The following RSPH6A variants were observed in gnomAD, a reference collection of about 807,000 sequenced individuals.
The protein encoded by RSPH6A is radial spoke head 6 homolog A, also known as radial spoke head protein 6 homolog A.
A neutral mutation model predicts 66.1 loss-of-function variants in RSPH6A; 49 were observed. That is an observed-to-expected ratio of 0.74 (90% CI 0.59 to 0.94). The LOEUF is 0.94. RSPH6A is among the 40% of genes least tolerant of loss of function. The probability of loss-of-function intolerance (pLI) is 0.00; values close to 1 mark genes in which losing one functional copy is unlikely to be tolerated. For missense variants in RSPH6A, 977 were observed against 948.3 expected, an observed-to-expected ratio of 1.03 and a Z score of -0.40; for synonymous variants, 419 against 402.4, an observed-to-expected ratio of 1.04 and a Z score of -0.49.
At chr19:45,807,228 A>T (rs997960485) in intron 2 of RSPH6A, among the ~76,000 whole-genome samples, 4 of 150,246 alleles carry the variant, frequency 2.7e-5, no homozygotes, top group African/African-American at 9.8e-5. Context: ...TATTATTATT[A>T]TTTTTGATAC....
At chr19:45,811,738 C>T (rs1361993675) in intron 1 of RSPH6A, among the ~76,000 whole-genome samples, 1 of 104,294 alleles carries the variant, frequency 9.6e-6, no homozygotes, top group Non-Finnish European at 1.9e-5. Context: ...ACCTGGCCAA[C>T]ATTTGTATTA....
At chr19:45,808,893 C>A (rs1336714985) in intron 2 of RSPH6A, among the ~76,000 whole-genome samples, 12 of 151,710 alleles carry the variant, frequency 7.9e-5, no homozygotes. Flanking sequence ...TCTCGATCTC[C>A]TGACCTCAGG....
At position 45,814,888 on chromosome 19, in the gene RSPH6A, C is replaced by CT. The variant is rs1396814301; in HGVS notation, c.288dup (p.Glu97ArgfsTer9). 2 of 1,614,134 alleles carry CT rather than the reference C, an allele frequency of 1.2e-6. No individual in the cohort carries two copies. The highest frequency in any genetic ancestry group is 1.3e-5 in the African/African-American group (1 of 75,062). ...TCAGAGTAAGGCTGAGGCTGGAACTCTGAGGGAAAGCCCGTGTTCACAGAT... is the reference window on the plus strand; with the variant it reads ...TCAGAGTAAGGCTGAGGCTGGAACTCTTGAGGGAAAGCCCGTGTTCACAGAT... On this transcript the variant is annotated frameshift_variant, in exon 1 of 6. Coordinates refer to ENST00000221538, the MANE Select transcript of RSPH6A (RefSeq NM_030785.4). LOFTEE classifies it high-confidence loss of function.
Position 45,810,801 on chromosome 19 carries a change from GTT to G in RSPH6A, c.688_689del (p.Asn230ProfsTer4). ...HLVNLLTKIL[N>X]QRPEDPLSVL... ...CAGACAAGGGGTCCTCAGGCCGCTG[GTT>G]CAGGATCTTGGTCAGCAGATTCACC... On this transcript the variant is annotated frameshift_variant, in exon 2 of 6. Coordinates refer to ENST00000221538, the MANE Select transcript of RSPH6A (RefSeq NM_030785.4). LOFTEE classifies it high-confidence loss of function. The G allele has an allele frequency of 1.2e-6, 2 of 1,613,100 alleles. No individual in the cohort carries two copies. The highest frequency in any genetic ancestry group is 1.7e-6 in the Non-Finnish European group (2 of 1,179,232).
chr19:45,798,154 T>C (rs1600471039), intron 5 of RSPH6A, among the ~76,000 whole-genome samples: 1 of 148,104 alleles, frequency 6.8e-6, no homozygotes, highest in South Asian at 2.2e-4. Flanking sequence ...TGGTCAGGAG[T>C]TCGAGACCAG....
intron 2 of RSPH6A, among the ~76,000 whole-genome samples, chr19:45,809,139 C>A (rs1008491950): frequency 8.0e-5 from 12 of 150,312 alleles, no homozygotes; most frequent in African/African-American, 2.7e-4. Flanking sequence ...GTAGCTGGGA[C>A]TACAGGCGCC....
At chr19:45,800,056 A>G (rs1251498185) in intron 5 of RSPH6A, among the ~76,000 whole-genome samples, 3 of 152,130 alleles carry the variant, frequency 2.0e-5, no homozygotes, top group Non-Finnish European at 4.4e-5. Context: ...CATCTCAAAC[A>G]AAACAAAACA....
chr19:45,811,063 G>A, intron 1 of RSPH6A: 2 of 352,504 alleles, frequency 5.7e-6, no homozygotes, highest in South Asian at 8.8e-5. Flanking sequence ...GGTTCATCTC[G>A]GCTCACTGCA....
rs372927516 is a variant in RSPH6A, at chr19:45,804,417, C to T, written c.1488G>A (p.Pro496=). The T allele has an allele frequency of 5.6e-6, 9 of 1,613,936 alleles. No homozygotes were observed. The highest frequency in any genetic ancestry group is 7.6e-6 in the Non-Finnish European group (9 of 1,180,006). ...CCTCACTAAACTGGTAGAAGCCCAG[C>T]GGGCTGACCTGCGTGGCGGCCGAGA... The part of the protein sequence containing the change: ...ARISAATQVS[P]LGFYQFSEEE... The change falls in exon 3 of 6, where the codon CCG becomes CCA. Residue 496 remains proline (P), a synonymous_variant. Transcript: ENST00000221538. The surrounding 1 kb of genome is among the most constrained non-coding windows in gnomAD (Gnocchi z 5.8).
chr19:45,811,969 C>T (rs1406357462), intron 1 of RSPH6A, among the ~76,000 whole-genome samples: 5 of 146,246 alleles, frequency 3.4e-5, no homozygotes, highest in African/African-American at 5.1e-5. Flanking sequence ...TTAGTAGAGA[C>T]GGGGTTTCAC....
Position 45,804,822 on chromosome 19 carries a change from TTCC to T in RSPH6A, c.1080_1082del (p.Glu361del). On this transcript the variant is annotated inframe_deletion, in exon 3 of 6. Coordinates refer to ENST00000221538, the MANE Select transcript of RSPH6A (RefSeq NM_030785.4). This position sits in a 1 kb window ranked among gnomAD's most constrained non-coding sequence, Gnocchi z 5.8. ...CTGCCTCCTCCTCGCCCTCCCGGAA[TTCC>T]ACCTCGGCCACCAGGTAGCTGCGTT... 1 of 1,614,156 alleles carries T rather than the reference TTCC, an allele frequency of 6.2e-7. No homozygotes were observed. The highest frequency in any genetic ancestry group is 8.5e-7 in the Non-Finnish European group (1 of 1,180,014).
intron 2 of RSPH6A, 61 bp from the exon 3 acceptor site, chr19:45,805,077 C>A: frequency 7.3e-7 from 1 of 1,376,946 alleles, no homozygotes; most frequent in South Asian, 1.3e-5. Flanking sequence ...CCTAGCCTAC[C>A]TCTTCCAGAC....
chr19:45,800,714 G>T, intron 4 of RSPH6A, 151 bp from the exon 5 acceptor site: 2 of 545,392 alleles, frequency 3.7e-6, no homozygotes, highest in Non-Finnish European at 6.5e-6. Flanking sequence ...TGCGGTGTTT[G>T]AACCCTCGCT....
At chr19:45,800,148 A>G (rs545403104) in intron 5 of RSPH6A, among the ~76,000 whole-genome samples, 25 of 152,326 alleles carry the variant, frequency 1.6e-4, no homozygotes, top group African/African-American at 6.0e-4. Context: ...TGCTGTCATC[A>G]GGGGGCTGGA....
chr19:45,805,614 C>T (rs1970533954), intron 2 of RSPH6A, among the ~76,000 whole-genome samples: 1 of 152,100 alleles, frequency 6.6e-6, no homozygotes, highest in Non-Finnish European at 1.5e-5. Context: ...ATCGCTTGGA[C>T]CTGAGAGGCG....
Position 45,804,115 on chromosome 19 carries a change from C to T in RSPH6A, c.1653+137G>A. 1.5e-6 allele frequency: 1 copy of T among 686,322 alleles called. No homozygotes were observed. The highest frequency in any genetic ancestry group is 2.4e-6 in the Non-Finnish European group (1 of 421,030). 42.5% of individuals were successfully genotyped at this position (686,322 alleles called of 1,614,324 possible). On this transcript the variant is annotated intron_variant, in intron 3 of 5. Transcript: ENST00000221538. This position sits in a 1 kb window ranked among gnomAD's most constrained non-coding sequence, Gnocchi z 5.8. ...GGATTATCCGCTAATATCTGTTGAA[C>T]CAATGAATGGATGGATGAATGAACG...
chr19:45,808,635 T>C (rs1429381621), intron 2 of RSPH6A, among the ~76,000 whole-genome samples: 1 of 149,144 alleles, frequency 6.7e-6, no homozygotes, highest in African/African-American at 2.5e-5. Context: ...AAATTATAGA[T>C]GTGAGAATAG....
chr19:45,797,102 C>T (rs1330424303), intron 5 of RSPH6A, among the ~76,000 whole-genome samples: 6 of 150,814 alleles, frequency 4.0e-5, no homozygotes, highest in Non-Finnish European at 8.8e-5. Flanking sequence ...CTAGGCTGGA[C>T]GCAGTGGCTC....
chr19:45,799,199 T>C (rs944180374), intron 5 of RSPH6A, among the ~76,000 whole-genome samples: 15 of 152,224 alleles, frequency 9.9e-5, no homozygotes, highest in Admixed American at 5.9e-4. Flanking sequence ...GGAAAAATCA[T>C]CATGCCATCT....
Sources: allele counts gnomAD v4.1 joint callset (sites outside exome capture counted in the v4.1 genomes callset), GRCh38; gene constraint gnomAD v4.1.1; non-coding constraint Gnocchi (gnomAD v3.1); transcripts MANE v1.5; gene names NCBI Gene and HGNC (gene_info 2026-07-23, HGNC 2026-07-21).